TRIM38: variants seen among roughly 807,000 people sequenced by gnomAD.
TRIM38 encodes E3 ubiquitin-protein ligase TRIM38.
TRIM38 carries 35 observed loss-of-function variants against 35.8 expected under a neutral mutation model. That is an observed-to-expected ratio of 0.98 (90% confidence interval 0.75 to 1.30). The LOEUF (loss-of-function observed/expected upper bound fraction) is 1.30, where lower values mean the gene tolerates loss of function less well. Ranked by LOEUF, TRIM38 falls within the 50% of genes most tolerant of loss-of-function variation. The pLI is 0.00. For synonymous variants in TRIM38, 198 were observed against 204.7 expected (o/e 0.97, Z 0.28); for missense variants, 545 against 556.9 (o/e 0.98, Z 0.21).
At chr6:25,974,063 A>T (rs1301985796) in intron 7 of TRIM38, 2 of 184,864 alleles carry the variant, frequency 1.1e-5, no homozygotes, top group African/African-American at 2.4e-5. Flanking sequence ...TTAATACAAC[A>T]CTGATATGTT....
intron 5 of TRIM38, 106 bp downstream of exon 5, chr6:25,972,205 C>T (rs1760258236): frequency 1.0e-6 from 1 of 958,948 alleles, no homozygotes; most frequent in Non-Finnish European, 1.6e-6. Context: ...TTTAGATGTA[C>T]ATCAGTGCCA....
intron 7 of TRIM38, among the ~76,000 whole-genome samples, chr6:25,977,343 A>G (rs1760424252): frequency 6.6e-6 from 1 of 152,094 alleles, no homozygotes; most frequent in Admixed American, 6.5e-5. Flanking sequence ...ACGCCACTGT[A>G]CCCAGCCTGG....
chr6:25,972,841 C>T (rs1760280295), intron 5 of TRIM38, among the ~76,000 whole-genome samples: 1 of 152,170 alleles, frequency 6.6e-6, no homozygotes, highest in Non-Finnish European at 1.5e-5. Flanking sequence ...GCTGAATCTC[C>T]CAGAAGCTGG....
intron 3 of TRIM38, among the ~76,000 whole-genome samples, chr6:25,967,766 G>A (rs971825708): frequency 6.6e-6 from 1 of 151,674 alleles, no homozygotes; most frequent in African/African-American, 2.4e-5. Context: ...CAAACCCCTG[G>A]TCTCCCTCCC....
intron 4 of TRIM38, among the ~76,000 whole-genome samples, chr6:25,970,067 G>A (rs1163186469): frequency 6.6e-6 from 1 of 152,012 alleles, no homozygotes; most frequent in Non-Finnish European, 1.5e-5. Context: ...ACAGGCATGT[G>A]CTACCATGCC....
At chr6:25,975,126 G>A (rs898939305) in intron 7 of TRIM38, 85 of 972,784 alleles carry the variant, frequency 8.7e-5, no homozygotes, top group Non-Finnish European at 9.4e-5. Flanking sequence ...TCCGCCTTCC[G>A]GGTCAAGTGA....
Position 25,969,372 on chromosome 6 carries a change from A to T in TRIM38, c.459A>T (p.Arg153Ser), listed in dbSNP as rs536287567. The T allele has an allele frequency of 6.2e-6, 10 of 1,612,994 alleles. No individual in the cohort carries two copies. Among genetic ancestry groups the T allele is most frequent in the Middle Eastern group, 1.7e-4 (1 of 6,058 alleles). Residue 153 changes from arginine (R) to serine (S), a missense_variant, in exon 4 of 8, where the codon AGA becomes AGT. Physicochemically the swap from Arg to Ser is moderately radical, Grantham distance 110. Coordinates refer to ENST00000357085, the MANE Select transcript of TRIM38 (RefSeq NM_006355.5). Reference protein sequence around the residue: ...AVTKLKQLEDRCTEQKLSTAM... With the variant: ...AVTKLKQLEDSCTEQKLSTAM... ...CAAAACTGAAGCAACTTGAAGACAG[A>T]TGTACGGAGCAGAAGCTGTCCACAG... is the stretch of plus-strand genomic sequence containing the variant.
At chr6:25,969,749 G>T (rs1290364743) in intron 4 of TRIM38, among the ~76,000 whole-genome samples, 1 of 152,060 alleles carries the variant, frequency 6.6e-6, no homozygotes, top group Non-Finnish European at 1.5e-5. Flanking sequence ...AACCTGGTTT[G>T]CAGGCCTCAA....
chr6:25,969,334 C>G lies in TRIM38; in HGVS notation c.421C>G (p.Gln141Glu), dbSNP rs1480411439. The G allele has an allele frequency of 1.2e-6, 2 of 1,612,260 alleles. No homozygotes were observed. Among genetic ancestry groups the G allele is most frequent in the Admixed American group, 3.3e-5 (2 of 59,786 alleles). Residue 141 changes from glutamine (Q) to glutamate (E), a missense_variant, in exon 4 of 8, where the codon CAG becomes GAG. Gln to Glu is a conservative substitution (Grantham distance 29). Transcript: ENST00000357085. ...CAAATTTTTCCTTCAGGAAAAGCTC[C>G]AGAAAGCTGTGACAAAACTGAAGCA... ...DVCQGYKEKL[Q>E]KAVTKLKQLE...
intron 7 of TRIM38, among the ~76,000 whole-genome samples, chr6:25,981,459 C>T (rs1760541810): frequency 6.6e-6 from 1 of 152,248 alleles, no homozygotes; most frequent in East Asian, 1.9e-4. Context: ...CAACATTTAA[C>T]TCAGTAGCAC....
chr6:25,984,859 G>C lies in TRIM38; in HGVS notation c.*1172G>C, dbSNP rs983340078. The C allele has an allele frequency of 6.6e-6, 1 of 152,262 alleles. No individual in the cohort carries two copies. Among genetic ancestry groups the C allele is most frequent in the Non-Finnish European group, 1.5e-5 (1 of 68,030 alleles). 9.4% of individuals were successfully genotyped at this position (152,262 alleles called of 1,614,324 possible). ...TGCCTCAAGGAAAAAAAAAATTAAT[G>C]TTTACTGATATTTGTTGAAGTCCTA... is the stretch of plus-strand genomic sequence containing the variant. On this transcript the variant is annotated 3_prime_UTR_variant, in exon 8 of 8. Coordinates refer to ENST00000357085, the MANE Select transcript of TRIM38 (RefSeq NM_006355.5).
At chr6:25,974,444 G>T (rs1056115185) in intron 7 of TRIM38, among the ~76,000 whole-genome samples, 2 of 152,150 alleles carry the variant, frequency 1.3e-5, no homozygotes, top group African/African-American at 4.8e-5. Context: ...CGTAATCATA[G>T]AAATTATATC....
Position 25,984,736 on chromosome 6 carries a change from G to C in TRIM38, c.*1049G>C, listed in dbSNP as rs762023081. 1 of 152,056 alleles carries C rather than the reference G, an allele frequency of 6.6e-6. No individual in the cohort carries two copies. Among genetic ancestry groups the C allele is most frequent in the Non-Finnish European group, 1.5e-5 (1 of 68,052 alleles). 9.4% of individuals were successfully genotyped at this position (152,056 alleles called of 1,614,324 possible). A position where few individuals can be genotyped will look rare whatever the true frequency, so the allele number is the denominator to read the frequency against. On this transcript the variant is annotated 3_prime_UTR_variant, in exon 8 of 8. Transcript: ENST00000357085. Reference sequence around the variant, plus strand: ...TCTACTAAAAATACAAAAATTAGCCGGGCATGGTGGTAGGGGCCTGTAACC... The same window carrying C: ...TCTACTAAAAATACAAAAATTAGCCCGGCATGGTGGTAGGGGCCTGTAACC...
Position 25,985,138 on chromosome 6 carries a change from AAAAC to A in TRIM38, c.*1461_*1464del, listed in dbSNP as rs1415106342. The A allele has an allele frequency of 2.0e-5, 3 of 152,170 alleles. No homozygotes were observed. The highest frequency in any genetic ancestry group is 2.9e-5 in the Non-Finnish European group (2 of 68,046). The allele number at this position is 152,170 out of a possible 1,614,324, so 9.4% of individuals were successfully genotyped here. ...GACAATTGAGAAAAAAAATAGATTA[AAAAC>A]AAACAAACACCTCTGCCCTCTCCCT... On this transcript the variant is annotated 3_prime_UTR_variant, in exon 8 of 8. Coordinates refer to ENST00000357085, the MANE Select transcript of TRIM38 (RefSeq NM_006355.5).
At position 25,983,159 on chromosome 6, in the gene TRIM38, T is replaced by C; in HGVS notation, c.875-5T>C. On this transcript the variant is annotated splice_region_variant and splice_polypyrimidine_tract_variant and intron_variant, in intron 7 of 7. Transcript: ENST00000357085. ...TATTTTTGTTTGTTTTGTTTTGTTT[T>C]GCAGTTAGTGTGACTCTGGATCCAG... The C allele has an allele frequency of 6.4e-7, 1 of 1,554,976 alleles. No individual in the cohort carries two copies. Among genetic ancestry groups the C allele is most frequent in the Non-Finnish European group, 8.7e-7 (1 of 1,152,338 alleles).
In TRIM38 at chr6:25,987,630, C is replaced by T. The variant is rs1003774864; in HGVS notation, c.*3943C>T. The T allele has an allele frequency of 2.7e-4, 41 of 152,102 alleles. No individual in the cohort carries two copies. The highest frequency in any genetic ancestry group is 9.4e-4 in the African/African-American group (39 of 41,386). 9.4% of individuals were successfully genotyped at this position (152,102 alleles called of 1,614,324 possible). A position where few individuals can be genotyped will look rare whatever the true frequency, so the allele number is the denominator to read the frequency against. On this transcript the variant is annotated 3_prime_UTR_variant, in exon 8 of 8. Transcript: ENST00000357085. ...GTAACTATTGAAGCAAAAATGTCCCCCCACCATAGACATCCAGCACCACAG... is the reference window on the plus strand; with the variant it reads ...GTAACTATTGAAGCAAAAATGTCCCTCCACCATAGACATCCAGCACCACAG...
intron 5 of TRIM38, 31 bp downstream of exon 5, chr6:25,972,130 A>G (rs776836883): frequency 1.9e-6 from 3 of 1,591,042 alleles, no homozygotes; most frequent in Non-Finnish European, 2.6e-6. Context: ...TAGGGAAAAA[A>G]GGTATGTTAT....
rs757952732 is a variant in TRIM38 at position 25,963,278 on chromosome 6, A to G, written c.-193A>G. On this transcript the variant is annotated 5_prime_UTR_variant, in exon 2 of 8. Coordinates refer to ENST00000357085, the MANE Select transcript of TRIM38 (RefSeq NM_006355.5). ...TCAAATTGTGAGAGGAAAACAGCCT[A>G]CCCGGTAATTGTAGTTAAATTACTG... 2 of 151,862 alleles carry G rather than the reference A, an allele frequency of 1.3e-5. No individual in the cohort carries two copies. The highest frequency in any genetic ancestry group is 2.9e-5 in the Non-Finnish European group (2 of 67,996). The allele number at this position is 151,862 out of a possible 1,614,324, so 9.4% of individuals were successfully genotyped here.
chr6:25,975,590 A>T, intron 7 of TRIM38: 1 of 980,162 alleles, frequency 1.0e-6, no homozygotes, highest in South Asian at 4.7e-5. Context: ...AGATGCAACA[A>T]ATACATTTTA....
Sources: gnomAD v4.1 joint callset for allele counts (sites outside exome capture counted in the v4.1 genomes callset) on GRCh38, gnomAD v4.1.1 for gene constraint, MANE v1.5 for transcripts, NCBI Gene and HGNC (gene_info 2026-07-23, HGNC 2026-07-21) for gene names.